The following NFIA variants were observed in gnomAD, a reference collection of about 807,000 sequenced individuals.
NFIA encodes the protein nuclear factor I A, also known as nuclear factor 1 A-type.
NFIA carries 8 observed loss-of-function variants against 62.8 expected under a neutral mutation model. The observed-to-expected ratio is 0.13, with a 90% CI of 0.07 to 0.23. The LOEUF is 0.23. Ranked by LOEUF, NFIA falls within the 10% of genes least tolerant of loss-of-function variation. The pLI is 1.00. For synonymous variants in NFIA, 235 were observed against 238.1 expected (o/e 0.99, Z 0.12); for missense variants, 410 against 642.1 (o/e 0.64, Z 3.91).
chr1:61,113,783 G>A (rs1416885497), intron 2 of NFIA, among the ~76,000 whole-genome samples: 4 of 152,008 alleles, frequency 2.6e-5, no homozygotes, highest in East Asian at 1.9e-4. Flanking sequence ...GGTGAAAGGC[G>A]TGAGCACAGC....
intron 3 of NFIA, among the ~76,000 whole-genome samples, chr1:61,284,776 C>A (rs1362834264): frequency 6.6e-6 from 1 of 152,092 alleles, no homozygotes; most frequent in Non-Finnish European, 1.5e-5. Flanking sequence ...TTTCAGACAT[C>A]TTCCCCTCCC....
At chr1:61,246,134 C>T (rs563029400) in intron 2 of NFIA, among the ~76,000 whole-genome samples, 3 of 152,154 alleles carry the variant, frequency 2.0e-5, no homozygotes, top group East Asian at 3.9e-4. Context: ...TATTTTATTT[C>T]GAAGATATGA....
intron 2 of NFIA, among the ~76,000 whole-genome samples, chr1:61,218,292 G>T (rs1272103948): frequency 6.6e-6 from 1 of 152,174 alleles, no homozygotes; most frequent in Non-Finnish European, 1.5e-5. Context: ...TGGAAATGGG[G>T]GTTCTTCACC....
intron 2 of NFIA, among the ~76,000 whole-genome samples, chr1:61,214,107 G>A (rs535404003): frequency 1.3e-5 from 2 of 152,342 alleles, no homozygotes; most frequent in Non-Finnish European, 2.9e-5. Context: ...TTACACATGT[G>A]TGGAGGGTGT....
intron 2 of NFIA, among the ~76,000 whole-genome samples, chr1:61,263,344 T>C (rs1310787403): frequency 2.0e-5 from 3 of 152,150 alleles, no homozygotes; most frequent in Non-Finnish European, 2.9e-5. Context: ...TTGGCTGTGC[T>C]GATGCTGCCA....
At chr1:61,294,324 C>T (rs1005786451) in intron 3 of NFIA, among the ~76,000 whole-genome samples, 1 of 152,186 alleles carries the variant, frequency 6.6e-6, no homozygotes, top group Non-Finnish European at 1.5e-5. Context: ...TGATGAAGCA[C>T]AGAAAAGTAA....
rs1276116436 is a variant in NFIA at position 61,082,560 on chromosome 1, CG to C, written c.-228del. The stretch of plus-strand genomic sequence containing the variant: ...TAGTGGAGTGTAGGGAAACTCTAGG[CG>C]GGGTTAAAGTTCAGCTCATGGAGCG... On this transcript the variant is annotated 5_prime_UTR_variant, in exon 1 of 11. Transcript: ENST00000403491. 4.1e-6 allele frequency: 6 copies of C among 1,450,406 alleles called. No individual in the cohort carries two copies. The highest frequency in any genetic ancestry group is 1.8e-6 in the Non-Finnish European group (2 of 1,096,892). 89.8% of individuals were successfully genotyped at this position (1,450,406 alleles called of 1,614,324 possible).
chr1:61,335,958 A>G (rs1184599096), intron 4 of NFIA, among the ~76,000 whole-genome samples: 1 of 152,232 alleles, frequency 6.6e-6, no homozygotes, highest in East Asian at 1.9e-4. Flanking sequence ...GCATTTATCA[A>G]GCATATACCA....
In NFIA at chr1:61,460,655, G is replaced by A. The variant is rs952416439; in HGVS notation, c.*5335G>A. The A allele has an allele frequency of 6.6e-6, 1 of 152,208 alleles. No individual in the cohort carries two copies. Among genetic ancestry groups the A allele is most frequent in the Admixed American group, 6.5e-5 (1 of 15,282 alleles). The allele number at this position is 152,208 out of a possible 1,614,324, so 9.4% of individuals were successfully genotyped here. ...GACAGAAAGAATTATAAGAAAACCA[G>A]CATAATACCTGATATATTAAAATGT... On this transcript the variant is annotated 3_prime_UTR_variant, in exon 11 of 11. Coordinates refer to ENST00000403491, the MANE Select transcript of NFIA (RefSeq NM_001134673.4).
chr1:61,138,523 C>T (rs1418123753), intron 2 of NFIA, among the ~76,000 whole-genome samples: 2 of 152,000 alleles, frequency 1.3e-5, no homozygotes, highest in African/African-American at 2.4e-5. Context: ...ATCCTGGTTT[C>T]TCACTTTCTG....
intron 1 of NFIA, among the ~76,000 whole-genome samples, chr1:61,085,224 A>G (rs904208672): frequency 2.0e-5 from 3 of 152,132 alleles, no homozygotes; most frequent in African/African-American, 7.2e-5. Flanking sequence ...AAACCTAGAC[A>G]TCTTATTTTA....
At chr1:61,455,224 C>T (rs1668245077) in intron 10 of NFIA, 79 bp from the exon 11 acceptor site, 5 of 1,477,936 alleles carry the variant, frequency 3.4e-6, no homozygotes, top group Non-Finnish European at 3.8e-6. Context: ...ATCCTGATTT[C>T]GTGGTTGAAA....
At chr1:61,078,964 C>A (rs773104897), upstream of NFIA, among the ~76,000 whole-genome samples, 19 of 152,268 alleles carry the variant, frequency 1.2e-4, no homozygotes, top group Non-Finnish European at 2.6e-4. Flanking sequence ...CTCTGAGCAG[C>A]GTAGACACCC....
At chr1:61,079,654 G>A (rs1646072219), upstream of NFIA, among the ~76,000 whole-genome samples, 1 of 152,108 alleles carries the variant, frequency 6.6e-6, no homozygotes, top group African/African-American at 2.4e-5. Context: ...TTATATGATT[G>A]CAGTGAACTA....
intron 3 of NFIA, among the ~76,000 whole-genome samples, chr1:61,319,987 A>G (rs1660595438): frequency 6.6e-6 from 1 of 152,110 alleles, no homozygotes; most frequent in Non-Finnish European, 1.5e-5. Flanking sequence ...GTTGTCATTG[A>G]AATCTCACAT....
intron 3 of NFIA, among the ~76,000 whole-genome samples, chr1:61,308,949 T>G (rs912686726): frequency 2.6e-5 from 4 of 152,314 alleles, no homozygotes; most frequent in Middle Eastern, 3.4e-3. Context: ...AACCCAGCAC[T>G]TCTCCAGAAG....
rs138455841 is a variant in NFIA at position 61,172,761 on chromosome 1, A to C, written c.559+84081A>C. On this transcript the variant is annotated intron_variant, in intron 2 of 10. Coordinates refer to ENST00000403491, the MANE Select transcript of NFIA (RefSeq NM_001134673.4). ...AGTGCTGATTTAATTTATTTTACAAACAGTGTCCTTTCATGGGAGAGAGCA... is the reference window on the plus strand; with the variant it reads ...AGTGCTGATTTAATTTATTTTACAACCAGTGTCCTTTCATGGGAGAGAGCA... Among the ~76,000 whole-genome samples the C allele has an allele frequency of 9.1e-3, 1,391 of 152,338 alleles. 17 individuals carry two copies. Among genetic ancestry groups the C allele is most frequent in the Middle Eastern group, 0.061 (18 of 294 alleles).
intron 1 of NFIA, among the ~76,000 whole-genome samples, chr1:61,086,412 A>G (rs895815095): frequency 1.3e-5 from 2 of 152,280 alleles, no homozygotes; most frequent in Admixed American, 1.3e-4. Flanking sequence ...AATATTCTCA[A>G]ACATCAGAAA....
intron 2 of NFIA, among the ~76,000 whole-genome samples, chr1:61,237,077 T>G (rs1259879412): frequency 6.6e-6 from 1 of 152,182 alleles, no homozygotes; most frequent in Non-Finnish European, 1.5e-5. Flanking sequence ...CCTAGCACCT[T>G]GATCACTGCA....
Sources: gnomAD v4.1 joint callset for allele counts (sites outside exome capture counted in the v4.1 genomes callset) on GRCh38, gnomAD v4.1.1 for gene constraint, MANE v1.5 for transcripts, NCBI Gene and HGNC (gene_info 2026-07-23, HGNC 2026-07-21) for gene names.